The following AAK1 variants were observed in gnomAD, a reference collection of about 807,000 sequenced individuals.
AAK1 encodes the protein AP2-associated protein kinase 1.
Under a neutral mutation model 116.0 loss-of-function variants are expected in AAK1, and 37 were observed. The ratio of observed to expected loss-of-function variants is 0.32; its 90% CI spans 0.25 to 0.42. The LOEUF (loss-of-function observed/expected upper bound fraction) is 0.42. Among genes scored for constraint, AAK1 ranks in the 10% least tolerant of loss-of-function variants. AAK1 has a pLI of 1.00. For synonymous variants in AAK1, 458 were observed against 439.9 expected (o/e 1.04, Z -0.51); for missense variants, 919 against 1,170.6 (o/e 0.79, Z 3.14).
intron 2 of AAK1, among the ~76,000 whole-genome samples, chr2:69,629,085 G>T (rs1356446131): frequency 6.6e-6 from 1 of 152,176 alleles, no homozygotes; most frequent in East Asian, 1.9e-4. Flanking sequence ...TCTATAATGT[G>T]CCTCTTTAGA....
intron 2 of AAK1, 22 bp from the exon 3 acceptor site, chr2:69,557,000 G>T (rs761082846): frequency 4.5e-6 from 7 of 1,569,456 alleles, no homozygotes; most frequent in Non-Finnish European, 6.1e-6. Context: ...ACACACACAA[G>T]CTCTTTTGAG....
intron 14 of AAK1, 119 bp downstream of exon 14, chr2:69,509,112 A>G (rs1676295796): frequency 1.3e-6 from 1 of 789,196 alleles, no homozygotes; most frequent in Non-Finnish European, 2.1e-6. Flanking sequence ...AAACACAAGT[A>G]CACACCACTG....
chr2:69,546,925 G>C (rs530396020), intron 3 of AAK1, among the ~76,000 whole-genome samples: 1 of 152,274 alleles, frequency 6.6e-6, no homozygotes, highest in South Asian at 2.1e-4. Flanking sequence ...TCTCCCCCCA[G>C]CAAGATCTTA....
intron 2 of AAK1, among the ~76,000 whole-genome samples, chr2:69,635,707 T>G (rs1675414353): frequency 6.6e-6 from 1 of 152,182 alleles, no homozygotes; most frequent in Admixed American, 6.5e-5. Context: ...TACAGTAATA[T>G]TCCACTTATA....
chr2:69,614,960 T>A (rs1265570230), intron 2 of AAK1, among the ~76,000 whole-genome samples: 1 of 152,122 alleles, frequency 6.6e-6, no homozygotes, highest in Non-Finnish European at 1.5e-5. Context: ...GTCAACACAT[T>A]GATTTCTCAC....
intron 13 of AAK1, among the ~76,000 whole-genome samples, chr2:69,510,139 G>A (rs932699174): frequency 2.6e-5 from 4 of 152,150 alleles, no homozygotes; most frequent in Non-Finnish European, 4.4e-5. Context: ...AGATTATTTT[G>A]TCACCAAGGT....
intron 16 of AAK1, among the ~76,000 whole-genome samples, chr2:69,505,286 G>A (rs1676140122): frequency 6.6e-6 from 1 of 152,234 alleles, no homozygotes; most frequent in South Asian, 2.1e-4. Flanking sequence ...TGTTTAAGAC[G>A]TGCCTGTGGA....
chr2:69,622,075 G>A (rs1008609903), intron 2 of AAK1, among the ~76,000 whole-genome samples: 1 of 152,250 alleles, frequency 6.6e-6, no homozygotes, highest in Non-Finnish European at 1.5e-5. Context: ...TTGCAGGGAG[G>A]TGTGGAGGGA....
intron 10 of AAK1, among the ~76,000 whole-genome samples, chr2:69,522,729 G>A (rs145841867): frequency 5.9e-5 from 9 of 152,022 alleles, no homozygotes; most frequent in South Asian, 2.1e-4. Flanking sequence ...ACTTGAACCC[G>A]GGAGGCAGAG....
chr2:69,628,473 G>C (rs921426146), intron 2 of AAK1, among the ~76,000 whole-genome samples: 1 of 151,928 alleles, frequency 6.6e-6, no homozygotes, highest in African/African-American at 2.4e-5. Flanking sequence ...GCTCAGAGAG[G>C]GGAAGTGATA....
chr2:69,559,179 T>C (rs954985670), intron 2 of AAK1, among the ~76,000 whole-genome samples: 1 of 152,090 alleles, frequency 6.6e-6, no homozygotes, highest in Non-Finnish European at 1.5e-5. Context: ...AACTGTCATC[T>C]CTCTAATCTT....
intron 8 of AAK1, 68 bp downstream of exon 8, chr2:69,529,940 C>T: frequency 3.0e-6 from 4 of 1,350,830 alleles, no homozygotes; most frequent in Non-Finnish European, 4.0e-6. Flanking sequence ...AATCTAATCC[C>T]TTTATCCCCC....
chr2:69,592,672 A>G (rs1673084239), intron 2 of AAK1, among the ~76,000 whole-genome samples: 1 of 152,212 alleles, frequency 6.6e-6, no homozygotes, highest in South Asian at 2.1e-4. Context: ...AAGTGAAAAA[A>G]AGTTTCAACA....
chr2:69,493,160 A>AAAAAAAAAAAAAAAAAAAAG (rs1675606699), intron 17 of AAK1, among the ~76,000 whole-genome samples: 1 of 137,434 alleles, frequency 7.3e-6, no homozygotes, highest in Non-Finnish European at 1.6e-5. Context: ...CTCCGTCTCA[A>AAAAAAAAAAAAAAAAAAAAG]AAAAAAAAAA....
chr2:69,616,423 GC>G (rs1674331041), intron 2 of AAK1, among the ~76,000 whole-genome samples: 1 of 152,200 alleles, frequency 6.6e-6, no homozygotes, highest in South Asian at 2.1e-4. Context: ...ACCTGATTTT[GC>G]CATTTAACAA....
At chr2:69,559,936 G>A (rs1234572925) in intron 2 of AAK1, among the ~76,000 whole-genome samples, 2 of 152,218 alleles carry the variant, frequency 1.3e-5, no homozygotes, top group African/African-American at 4.8e-5. Flanking sequence ...AGCCAGGACT[G>A]AAGAAATGGG....
intron 2 of AAK1, among the ~76,000 whole-genome samples, chr2:69,604,683 T>C (rs1014416694): frequency 6.6e-6 from 1 of 152,122 alleles, no homozygotes; most frequent in African/African-American, 2.4e-5. Flanking sequence ...TTTAAAAACA[T>C]GCTGAGGATG....
At chr2:69,564,100 G>A (rs1417053046) in intron 2 of AAK1, among the ~76,000 whole-genome samples, 1 of 152,002 alleles carries the variant, frequency 6.6e-6, no homozygotes, top group Non-Finnish European at 1.5e-5. Flanking sequence ...GCTGAGGCAG[G>A]AGAATTGCTT....
chr2:69,548,599 C>CCCTT (rs750975736), intron 3 of AAK1, among the ~76,000 whole-genome samples: 1 of 139,150 alleles, frequency 7.2e-6, no homozygotes. Context: ...CTTTTTCTTC[C>CCCTT]CCTTCCTTCC....
Sources: allele counts gnomAD v4.1 joint callset (sites outside exome capture counted in the v4.1 genomes callset), GRCh38; gene constraint gnomAD v4.1.1; transcripts MANE v1.5; gene names NCBI Gene and HGNC (gene_info 2026-07-23, HGNC 2026-07-21).